Variants in CCDC169 observed in about 807,000 individuals in gnomAD.
CCDC169 encodes the protein coiled-coil domain-containing protein 169.
In CCDC169, 30 loss-of-function variants were observed where a neutral mutation model predicts 36.0. The observed-to-expected ratio is 0.83, with a 90% CI of 0.62 to 1.13. The LOEUF (loss-of-function observed/expected upper bound fraction) is 1.13. CCDC169 is among the 50% of genes most tolerant of loss of function. CCDC169 has a pLI of 0.00. For synonymous variants in CCDC169, 85 were observed against 81.5 expected (o/e 1.04, Z -0.23); for missense variants, 245 against 245.9 (o/e 1.00, Z 0.03).
chr13:36,294,740 T>G (rs901881786), intron 2 of CCDC169, among the ~76,000 whole-genome samples: 55 of 152,148 alleles, frequency 3.6e-4, no homozygotes, highest in East Asian at 1.9e-4. Context: ...GGGGTCTGCA[T>G]GAGAGGGTTG....
chr13:36,272,326 GTT>G (rs1486550826), intron 4 of CCDC169, among the ~76,000 whole-genome samples: 1 of 151,916 alleles, frequency 6.6e-6, no homozygotes, highest in Non-Finnish European at 1.5e-5. Context: ...GGAGTCCCAT[GTT>G]TCGCAGTAAT....
chr13:36,235,933 T>A (rs1434151376), intron 7 of CCDC169, among the ~76,000 whole-genome samples: 1 of 151,968 alleles, frequency 6.6e-6, no homozygotes, highest in Non-Finnish European at 1.5e-5. Flanking sequence ...GTTTTAGGAA[T>A]AAATTTAGCC....
intron 7 of CCDC169, among the ~76,000 whole-genome samples, chr13:36,245,860 T>C (rs1418040518): frequency 6.6e-6 from 1 of 152,226 alleles, no homozygotes; most frequent in Non-Finnish European, 1.5e-5. Context: ...ATTTTTCCAA[T>C]GGCATATGTT....
rs141574389 is a variant in CCDC169 at position 36,264,729 on chromosome 13, C to T, written c.316-10586G>A. ...CCCAACCTGACTAGATTCCTTGTCT[C>T]GTAGCCTAATTTTACAATTCATTCA... On this transcript the variant is annotated intron_variant, in intron 4 of 7. Transcript: ENST00000239859. 6.6e-3 allele frequency among the ~76,000 whole-genome samples: 1,004 copies of T among 152,248 alleles called. 10 individuals carry two copies. The highest frequency in any genetic ancestry group is 0.017 in the Middle Eastern group (5 of 294).
At chr13:36,269,593 T>C (rs746623645) in intron 4 of CCDC169, among the ~76,000 whole-genome samples, 2 of 152,202 alleles carry the variant, frequency 1.3e-5, no homozygotes, top group Non-Finnish European at 2.9e-5. Flanking sequence ...GTGGGATTCA[T>C]TCCAGGGATG....
At position 36,284,741 on chromosome 13, in the gene CCDC169, T is replaced by G. The variant is rs150689903; in HGVS notation, c.164-1039A>C. Among the ~76,000 whole-genome samples the G allele has an allele frequency of 6.6e-5, 10 of 152,304 alleles. No homozygotes were observed. In the East Asian group the frequency reaches 1.9e-3, roughly 29 times the overall value. ...AGAGGGCAAAAAGATGGCTTCTTTT[T>G]CAACTTTAAATGCTCTTCACAGGTC... On this transcript the variant is annotated intron_variant, in intron 2 of 7. Coordinates refer to ENST00000239859, the MANE Select transcript of CCDC169 (RefSeq NM_001144981.3).
intron 2 of CCDC169, among the ~76,000 whole-genome samples, chr13:36,295,034 C>A (rs1361953157): frequency 2.6e-5 from 4 of 152,144 alleles, no homozygotes; most frequent in South Asian, 2.1e-4. Context: ...GGTCTCCTCC[C>A]TTATAAATGC....
At chr13:36,241,568 A>G (rs1414423855) in intron 7 of CCDC169, among the ~76,000 whole-genome samples, 5 of 152,142 alleles carry the variant, frequency 3.3e-5, no homozygotes, top group Non-Finnish European at 7.4e-5. Context: ...TATGAGTTAT[A>G]GTTTGTTTTT....
At chr13:36,288,830 A>T (rs1326029911) in intron 2 of CCDC169, among the ~76,000 whole-genome samples, 3 of 152,170 alleles carry the variant, frequency 2.0e-5, no homozygotes, top group Admixed American at 6.5e-5. Context: ...AAATGTATTT[A>T]TAATAAAAAA....
chr13:36,231,224 C>T lies in CCDC169; in HGVS notation c.614G>A (p.Arg205Lys), dbSNP rs1191622622. Reference protein sequence around the residue: ...AKRGPVKKITRPNHLPELHP With the variant: ...AKRGPVKKITKPNHLPELHP ...ATGGAGTTCTGGAAGATGGTTTGGT[C>T]TTGTAATCTTTTTTACTGGTCCTCT... is the stretch of plus-strand genomic sequence containing the variant. The change falls in exon 8 of 8, where the codon AGA (arginine) becomes AAA (lysine). Residue 205 changes from arginine (R) to lysine (K), a missense_variant. By Grantham distance (26) the Arg-to-Lys change is conservative (BLOSUM62 2). Transcript: ENST00000239859. The T allele has an allele frequency of 3.2e-6, 5 of 1,551,306 alleles. No individual in the cohort carries two copies. Among genetic ancestry groups the T allele is most frequent in the South Asian group, 2.4e-5 (2 of 84,038 alleles).
downstream of CCDC169, chr13:36,223,778 C>T (rs765666636): frequency 8.6e-5 from 13 of 151,998 alleles, no homozygotes; most frequent in Non-Finnish European, 1.8e-4. Flanking sequence ...AATTTATGAA[C>T]AAAATTAATA....
chr13:36,261,045 T>C (rs1156716218), intron 4 of CCDC169, among the ~76,000 whole-genome samples: 1 of 152,182 alleles, frequency 6.6e-6, no homozygotes, highest in Non-Finnish European at 1.5e-5. Context: ...TGGATGGTCC[T>C]ATAAAAGTGG....
intron 2 of CCDC169, among the ~76,000 whole-genome samples, chr13:36,287,998 TTTA>T (rs1594088703): frequency 6.6e-6 from 1 of 152,210 alleles, no homozygotes; most frequent in East Asian, 1.9e-4. Flanking sequence ...GGGAAATAAC[TTTA>T]TTATTTATTT....
At chr13:36,240,163 A>G (rs1366196981) in intron 7 of CCDC169, among the ~76,000 whole-genome samples, 1 of 151,974 alleles carries the variant, frequency 6.6e-6, no homozygotes, top group East Asian at 1.9e-4. Context: ...TATTTTTTTA[A>G]ACACTGTACT....
downstream of CCDC169, among the ~76,000 whole-genome samples, chr13:36,227,903 T>A (rs1870029874): frequency 6.6e-6 from 1 of 152,242 alleles, no homozygotes; most frequent in Admixed American, 6.5e-5. Context: ...ACATTTCATA[T>A]AAATGGAATT....
intron 7 of CCDC169, chr13:36,240,516 C>A: frequency 1.3e-6 from 1 of 761,908 alleles, no homozygotes; most frequent in Non-Finnish European, 1.8e-6. Context: ...ACTGTAGCTG[C>A]TTTTTAAAAA....
At chr13:36,230,706 A>T, downstream of CCDC169, 1 of 945,570 alleles carries the variant, frequency 1.1e-6, no homozygotes. Flanking sequence ...AAACAAGTTT[A>T]TTTAAGATTG....
At chr13:36,287,386 T>G (rs1878383853) in intron 2 of CCDC169, among the ~76,000 whole-genome samples, 4 of 152,188 alleles carry the variant, frequency 2.6e-5, no homozygotes, top group African/African-American at 7.2e-5. Flanking sequence ...TTAGGGCAAA[T>G]GAAGTTTGGC....
downstream of CCDC169, chr13:36,230,706 A>C (rs1211813296): frequency 1.1e-6 from 1 of 945,452 alleles, no homozygotes; most frequent in Non-Finnish European, 1.3e-6. Flanking sequence ...AAACAAGTTT[A>C]TTTAAGATTG....
Sources: gnomAD v4.1 joint callset for allele counts (sites outside exome capture counted in the v4.1 genomes callset) on GRCh38, gnomAD v4.1.1 for gene constraint, MANE v1.5 for transcripts, NCBI Gene and HGNC (gene_info 2026-07-23, HGNC 2026-07-21) for gene names.